CSF1R: variants seen among roughly 807,000 people sequenced by gnomAD.
CSF1R encodes the protein colony stimulating factor 1 receptor.
CSF1R carries 40 observed loss-of-function variants against 110.0 expected under a neutral mutation model. The observed-to-expected ratio is 0.36, with a 90% CI of 0.28 to 0.47. The LOEUF is 0.47. Among genes scored for constraint, CSF1R ranks in the 20% least tolerant of loss-of-function variants. The pLI, the probability that CSF1R is intolerant of heterozygous loss-of-function variation, is 0.99. For synonymous variants in CSF1R, 523 were observed against 503.4 expected, an observed-to-expected ratio of 1.04 and a Z score of -0.52; for missense variants, 1,052 against 1,253.0, an observed-to-expected ratio of 0.84 and a Z score of 2.42.
intron 16 of CSF1R, 63 bp from the exon 17 acceptor site, chr5:150,056,404 GATGGCAGGGAGGGCCCCAC>G: frequency 3.1e-6 from 5 of 1,595,504 alleles, no homozygotes; most frequent in Non-Finnish European, 4.3e-6. Context: ...AGGTGAGGAG[GATGGCAGGGAGGGCCCCAC>G]ATGGCTTTGG....
chr5:150,093,273 T>C (rs1331695433), intron 1 of CSF1R, among the ~76,000 whole-genome samples: 1 of 152,146 alleles, frequency 6.6e-6, no homozygotes, highest in Non-Finnish European at 1.5e-5. Flanking sequence ...GAGACAGGGT[T>C]TCACCATGTT....
intron 1 of CSF1R, among the ~76,000 whole-genome samples, chr5:150,103,525 A>C (rs1276289397): frequency 6.6e-6 from 1 of 152,216 alleles, no homozygotes; most frequent in Admixed American, 6.5e-5. Flanking sequence ...CAGATCAACA[A>C]CATGCAAGGT....
chr5:150,098,890 C>CTT (rs34306632), intron 1 of CSF1R, among the ~76,000 whole-genome samples: 3,471 of 128,562 alleles, frequency 0.027, 100 homozygotes, highest in South Asian at 0.065. Context: ...ATACAAACAA[C>CTT]TTTTTTTTTT....
chr5:150,082,017 C>T (rs773201754), intron 1 of CSF1R, among the ~76,000 whole-genome samples: 3 of 152,208 alleles, frequency 2.0e-5, no homozygotes, highest in Non-Finnish European at 4.4e-5. Context: ...TCAGGCTCAG[C>T]CCCCGGTTTC....
Position 150,078,176 on chromosome 5 carries a change from A to G in CSF1R, c.665T>C (p.Ile222Thr). ...LVRIRGEAAQ[I>T]VCSASSVDVN... ...ATCAACGCTGCTGGCTGAGCACACG[A>G]TCTGGGCAGCCTCCCCTCGAATCCG... Residue 222 changes from isoleucine to threonine, a missense_variant, in exon 4 of 21, where the codon ATC (isoleucine) becomes ACC (threonine). Ile to Thr is a moderately conservative substitution (Grantham distance 89, BLOSUM62 -1). This residue lies in a region of CSF1R where 693 missense variants were observed against 735.4 expected (regional missense o/e 0.94). Transcript: ENST00000675795. 2 of 1,614,092 alleles carry G rather than the reference A, an allele frequency of 1.2e-6. No individual in the cohort carries two copies. The highest frequency in any genetic ancestry group is 1.7e-6 in the Non-Finnish European group (2 of 1,180,000).
intron 6 of CSF1R, among the ~76,000 whole-genome samples, chr5:150,071,282 TTTTA>T (rs1758021157): frequency 6.6e-6 from 1 of 152,326 alleles, no homozygotes; most frequent in East Asian, 1.9e-4. Context: ...AAATTTTTTG[TTTTA>T]TTCTTTCTTT....
At chr5:150,056,664 C>T (rs904229225) in intron 16 of CSF1R, among the ~76,000 whole-genome samples, 4 of 152,016 alleles carry the variant, frequency 2.6e-5, no homozygotes, top group Non-Finnish European at 4.4e-5. Context: ...CAAACCCTAC[C>T]GTTACTTCTG....
At chr5:150,088,425 G>T (rs1758930268), upstream of CSF1R, among the ~76,000 whole-genome samples, 1 of 152,036 alleles carries the variant, frequency 6.6e-6, no homozygotes, top group African/African-American at 2.4e-5. Context: ...ACCAAAGCTA[G>T]ACCAAGACAT....
Position 150,061,533 on chromosome 5 carries a change from T to C in CSF1R, c.1816A>G (p.Lys606Glu), listed in dbSNP as rs1422850617. The change falls in exon 12 of 21, where the codon AAG becomes GAG. Residue 606 changes from lysine (K) to glutamate (E), a missense_variant. Transcript: ENST00000675795. ...VVEATAFGLGKEDAVLKVAVK... is the reference protein window; with the variant it reads ...VVEATAFGLGEEDAVLKVAVK... The stretch of plus-strand genomic sequence containing the variant: ...GCCACCTTCAGGACAGCATCCTCCT[T>C]GCCCAGACCAAAGGCCGTGGCCTCC... 4 of 1,572,700 alleles carry C rather than the reference T, an allele frequency of 2.5e-6. No homozygotes were observed. Among genetic ancestry groups the C allele is most frequent in the Non-Finnish European group, 1.7e-6 (2 of 1,153,218 alleles).
intron 10 of CSF1R, among the ~76,000 whole-genome samples, chr5:150,067,372 G>C (rs927635230): frequency 6.6e-6 from 1 of 152,322 alleles, no homozygotes; most frequent in Non-Finnish European, 1.5e-5. Context: ...ACCAGACTCT[G>C]CCTTTGACCA....
intron 3 of CSF1R, 117 bp from the exon 4 acceptor site, chr5:150,078,365 C>T (rs1187200717): frequency 7.4e-7 from 1 of 1,342,958 alleles, no homozygotes; most frequent in Non-Finnish European, 1.0e-6. Context: ...ACTGCCCCAT[C>T]CCAAATCCTG....
chr5:150,059,673 T>G (rs1757412528), intron 14 of CSF1R, 27 bp downstream of exon 14: 2 of 1,608,670 alleles, frequency 1.2e-6, no homozygotes, highest in Admixed American at 3.3e-5. Context: ...AGACCTGGCC[T>G]TTTTCTTGTC....
intron 5 of CSF1R, among the ~76,000 whole-genome samples, chr5:150,074,873 G>C (rs1268522998): frequency 1.3e-5 from 2 of 150,872 alleles, no homozygotes. Flanking sequence ...CCACCCATCT[G>C]GGTCTCCTAA....
At position 150,073,281 on chromosome 5, in the gene CSF1R, C is replaced by G. The variant is rs200556769; in HGVS notation, c.1082+20G>C. The G allele has an allele frequency of 6.2e-7, 1 of 1,603,996 alleles. No individual in the cohort carries two copies. Among genetic ancestry groups the G allele is most frequent in the Non-Finnish European group, 8.5e-7 (1 of 1,173,542 alleles). Reference sequence around the variant, plus strand: ...CCATCTGGTTGTCGGGCTGTGTAGACGGGAGCTGATAAGTGGTACCTGTAT... The same window carrying G: ...CCATCTGGTTGTCGGGCTGTGTAGAGGGGAGCTGATAAGTGGTACCTGTAT... On this transcript the variant is annotated intron_variant, in intron 6 of 20. Coordinates refer to ENST00000675795, the MANE Select transcript of CSF1R (RefSeq NM_001288705.3).
rs1468591195 is a variant in CSF1R at position 150,054,394 on chromosome 5, G to A, written c.2691C>T (p.Pro897=). 1 of 1,613,844 alleles carries A rather than the reference G, an allele frequency of 6.2e-7. No individual in the cohort carries two copies. The highest frequency in any genetic ancestry group is 8.5e-7 in the Non-Finnish European group (1 of 1,179,918). The change falls in exon 20 of 21, where the codon CCC becomes CCT. Residue 897 remains proline (P), a synonymous_variant. Coordinates refer to ENST00000675795, the MANE Select transcript of CSF1R (RefSeq NM_001288705.3). ...SIMQACWALE[P]THRPTFQQIC... ...TCTGCTGGAAGGTGGGTCTGTGGGT[G>A]GGCTCCAAGGCCCAGCAGGCCTGCA...
intron 1 of CSF1R, among the ~76,000 whole-genome samples, chr5:150,081,880 C>T (rs1447181122): frequency 6.6e-6 from 1 of 152,200 alleles, no homozygotes; most frequent in Non-Finnish European, 1.5e-5. Context: ...GGCCCGTTGC[C>T]TCTGCAGCGT....
At chr5:150,058,229 A>G (rs1007111336) in intron 14 of CSF1R, 1 of 456,246 alleles carries the variant, frequency 2.2e-6, no homozygotes, top group Non-Finnish European at 4.4e-6. Context: ...GCCTGGGTGG[A>G]TGGGCCTGAG....
At chr5:150,105,360 AAAAATAT>A (rs1284553487) in intron 1 of CSF1R, among the ~76,000 whole-genome samples, 3 of 100,730 alleles carry the variant, frequency 3.0e-5, no homozygotes, top group African/African-American at 1.3e-4. Flanking sequence ...AAAAAAAAAA[AAAAATAT>A]ATATATATAT....
At chr5:150,077,975 G>A in intron 4 of CSF1R, 137 bp downstream of exon 4, 1 of 1,078,338 alleles carries the variant, frequency 9.3e-7, no homozygotes, top group Non-Finnish European at 1.4e-6. Flanking sequence ...GGGTGAGTCT[G>A]CACCCCTCTC....
Sources: gnomAD v4.1 joint callset for allele counts (sites outside exome capture counted in the v4.1 genomes callset) on GRCh38, gnomAD v4.1.1 for gene constraint, gnomAD v4.1.1 regional missense constraint, MANE v1.5 for transcripts, NCBI Gene and HGNC (gene_info 2026-07-23, HGNC 2026-07-21) for gene names.